PDZD2: variants seen among roughly 807,000 people sequenced by gnomAD.
The protein encoded by PDZD2 is PDZ domain-containing protein 2.
PDZD2 carries 90 observed loss-of-function variants against 220.7 expected under a neutral mutation model. That is an observed-to-expected ratio of 0.41 (90% CI 0.34 to 0.49). PDZD2 has a LOEUF of 0.49. Ranked by LOEUF, PDZD2 falls within the 20% of genes least tolerant of loss-of-function variation. PDZD2 has a pLI of 0.28. For synonymous variants in PDZD2, 1,375 were observed against 1,450.5 expected (o/e 0.95, Z 1.18); for missense variants, 3,174 against 3,608.5 (o/e 0.88, Z 3.08).
chr5:31,899,610 G>A (rs533059052), intron 2 of PDZD2, among the ~76,000 whole-genome samples: 49 of 152,330 alleles, frequency 3.2e-4, no homozygotes, highest in African/African-American at 1.2e-3. Flanking sequence ...CCTTGGATGA[G>A]TTACTTATTT....
intron 1 of PDZD2, among the ~76,000 whole-genome samples, chr5:31,780,288 G>GGGAT (rs1752986333): frequency 7.1e-6 from 1 of 140,650 alleles, no homozygotes; most frequent in African/African-American, 2.7e-5. Flanking sequence ...CATGGGCTGT[G>GGGAT]GGATTCTGCG....
At chr5:31,879,934 A>G (rs911696057) in intron 2 of PDZD2, among the ~76,000 whole-genome samples, 4 of 133,224 alleles carry the variant, frequency 3.0e-5, no homozygotes, top group South Asian at 2.4e-4. Context: ...TTTTTTTAAC[A>G]CGGATTCTTG....
chr5:31,971,734 A>G (rs1390891128), intron 2 of PDZD2, among the ~76,000 whole-genome samples: 2 of 151,330 alleles, frequency 1.3e-5, no homozygotes. Context: ...ATTAAAACAT[A>G]ATACATTTCA....
At chr5:31,985,247 C>G (rs1750621926) in intron 3 of PDZD2, among the ~76,000 whole-genome samples, 1 of 152,162 alleles carries the variant, frequency 6.6e-6, no homozygotes, top group African/African-American at 2.4e-5. Context: ...TGTGCATACA[C>G]AGAAAGCCTA....
rs549975431 is a variant in PDZD2, at chr5:31,824,413, A to G, written c.476+24689A>G. Among the ~76,000 whole-genome samples, 8 of 152,306 alleles carry G rather than the reference A, an allele frequency of 5.3e-5. No homozygotes were observed. In the East Asian group the frequency reaches 1.5e-3, roughly 29 times the overall value. On this transcript the variant is annotated intron_variant, in intron 2 of 24. Coordinates refer to ENST00000438447, the MANE Select transcript of PDZD2 (RefSeq NM_178140.4). ...TCCTGTCATTTACTCATTGTTTTGC[A>G]TGTATAAATCTTGCCTTCCTTAACC...
intron 1 of PDZD2, among the ~76,000 whole-genome samples, chr5:31,689,354 T>TATATATATATATATATATA (rs1554063278): frequency 4.8e-4 from 13 of 27,210 alleles, no homozygotes; most frequent in African/African-American, 2.4e-3. Flanking sequence ...TATATATATA[T>TATATATATATATATATATA]TTTTTTTTTT....
intron 24 of PDZD2, among the ~76,000 whole-genome samples, chr5:32,102,011 T>C (rs1561605996): frequency 6.6e-6 from 1 of 152,220 alleles, no homozygotes; most frequent in Non-Finnish European, 1.5e-5. Context: ...TAAGGATTGT[T>C]GTTTCTTTAA....
Position 31,995,480 on chromosome 5 carries a change from G to A in PDZD2, c.979-96G>A, listed in dbSNP as rs550886555. 41 of 1,244,890 alleles carry A rather than the reference G, an allele frequency of 3.3e-5. No homozygotes were observed. In the Middle Eastern group the frequency reaches 1.9e-3, roughly 57 times the overall value. 77.1% of individuals were successfully genotyped at this position (1,244,890 alleles called of 1,614,324 possible). On this transcript the variant is annotated intron_variant, in intron 3 of 24. Coordinates refer to ENST00000438447, the MANE Select transcript of PDZD2 (RefSeq NM_178140.4). ...TAATCTGTGATATCTGTGGACAAGT[G>A]ATGGATATTCGGCCAGACGTGACAG...
chr5:32,031,707 C>T (rs186558746), intron 6 of PDZD2, among the ~76,000 whole-genome samples: 7 of 152,140 alleles, frequency 4.6e-5, no homozygotes, highest in African/African-American at 1.7e-4. Context: ...AAAGCTTGGG[C>T]CTTTTTATTT....
chr5:31,928,903 A>G (rs1405976517), intron 2 of PDZD2, among the ~76,000 whole-genome samples: 2 of 152,074 alleles, frequency 1.3e-5, no homozygotes, highest in Non-Finnish European at 2.9e-5. Context: ...GAAAGGAGAT[A>G]TAAGAGGGAA....
chr5:31,907,130 A>C (rs992354976), intron 2 of PDZD2, among the ~76,000 whole-genome samples: 1 of 152,234 alleles, frequency 6.6e-6, no homozygotes, highest in Admixed American at 6.5e-5. Flanking sequence ...TTAAGTGGCC[A>C]TACTCCTTAC....
At chr5:31,877,109 A>AAT (rs1348173260) in intron 2 of PDZD2, among the ~76,000 whole-genome samples, 1 of 152,236 alleles carries the variant, frequency 6.6e-6, no homozygotes, top group Non-Finnish European at 1.5e-5. Context: ...ACTCTATAAT[A>AAT]GCATTACTGC....
At chr5:31,923,445 T>C in intron 2 of PDZD2, 1 of 1,111,464 alleles carries the variant, frequency 9.0e-7, no homozygotes, top group Non-Finnish European at 1.4e-6. Context: ...CCACTTGGGC[T>C]TTATCCCTCT....
chr5:31,806,909 A>G lies in PDZD2; in HGVS notation c.476+7185A>G, dbSNP rs562423898. On this transcript the variant is annotated intron_variant, in intron 2 of 24. Coordinates refer to ENST00000438447, the MANE Select transcript of PDZD2 (RefSeq NM_178140.4). ...TTTCGCTTAAAACGCATTTTTGCAG[A>G]ATGTAAACTTTGGGCGTCTTTGTTT... Among the ~76,000 whole-genome samples the G allele has an allele frequency of 3.3e-4, 50 of 151,774 alleles. 1 individual carries two copies. In the South Asian group the frequency reaches 0.01, roughly 32 times the overall value.
At chr5:31,992,709 C>CT (rs965633204) in intron 3 of PDZD2, among the ~76,000 whole-genome samples, 6 of 152,120 alleles carry the variant, frequency 3.9e-5, no homozygotes, top group African/African-American at 7.2e-5. Context: ...TTTCTGGACT[C>CT]TAAGAATGGT....
chr5:31,763,265 C>T (rs1180196002), intron 1 of PDZD2, among the ~76,000 whole-genome samples: 1 of 152,106 alleles, frequency 6.6e-6, no homozygotes, highest in African/African-American at 2.4e-5. Flanking sequence ...GGCCACAGTC[C>T]CTAGGGCCTC....
chr5:32,109,854 A>C lies in PDZD2; in HGVS notation c.*1719A>C, dbSNP rs935610996. The C allele has an allele frequency of 1.3e-5, 2 of 152,666 alleles. No homozygotes were observed. The highest frequency in any genetic ancestry group is 2.9e-5 in the Non-Finnish European group (2 of 68,054). 9.5% of individuals were successfully genotyped at this position (152,666 alleles called of 1,614,324 possible). A position where few individuals can be genotyped will look rare whatever the true frequency, so the allele number is the denominator to read the frequency against. On this transcript the variant is annotated 3_prime_UTR_variant, in exon 25 of 25. Coordinates refer to ENST00000438447, the MANE Select transcript of PDZD2 (RefSeq NM_178140.4). ...CTAAACATCTTTGAAGTCGGCCTAG[A>C]GAGGTCCTTCAGATGAGAGAGAAAT...
chr5:31,711,423 A>G (rs777519535), intron 1 of PDZD2, among the ~76,000 whole-genome samples: 1 of 152,234 alleles, frequency 6.6e-6, no homozygotes, highest in Non-Finnish European at 1.5e-5. Context: ...GAACTCCTGC[A>G]TAAAGACCCC....
rs545745601 is a variant in PDZD2 at position 31,663,714 on chromosome 5, T to G, written c.-361+24277T>G. ...TCTTCCAATTTTCTTTTGCGGTATT[T>G]GGCTCCGTGTGATACCCATGCTGGG... On this transcript the variant is annotated intron_variant, in intron 1 of 24. Coordinates refer to ENST00000438447, the MANE Select transcript of PDZD2 (RefSeq NM_178140.4). Among the ~76,000 whole-genome samples the G allele has an allele frequency of 5.7e-4, 87 of 152,330 alleles. 1 individual carries two copies. Among genetic ancestry groups the G allele is most frequent in the African/African-American group, 2.0e-3 (85 of 41,578 alleles).
Sources: gnomAD v4.1 joint callset for allele counts (sites outside exome capture counted in the v4.1 genomes callset) on GRCh38, gnomAD v4.1.1 for gene constraint, MANE v1.5 for transcripts, NCBI Gene and HGNC (gene_info 2026-07-23, HGNC 2026-07-21) for gene names.